The following NPAS3 variants were observed in gnomAD, a reference collection of about 807,000 sequenced individuals.
The protein encoded by NPAS3 is neuronal PAS domain-containing protein 3.
NPAS3 carries 14 observed loss-of-function variants against 73.1 expected under a neutral mutation model. The ratio of observed to expected loss-of-function variants is 0.19; its 90% CI spans 0.13 to 0.30. NPAS3 has a LOEUF of 0.30. NPAS3 is among the 10% of genes least tolerant of loss of function. The probability of loss-of-function intolerance (pLI) is 1.00; values close to 1 mark genes in which losing one functional copy is unlikely to be tolerated. For missense variants in NPAS3, 1,096 were observed against 1,250.0 expected (o/e 0.88, Z 1.86); for synonymous variants, 620 against 541.5 (o/e 1.14, Z -2.01).
At chr14:33,432,482 A>G (rs2048823959) in intron 4 of NPAS3, among the ~76,000 whole-genome samples, 1 of 152,216 alleles carries the variant, frequency 6.6e-6, no homozygotes, top group Non-Finnish European at 1.5e-5. Flanking sequence ...AATGGTTTGT[A>G]AAACCATTGG....
chr14:33,401,758 C>T (rs1429840524), intron 4 of NPAS3, among the ~76,000 whole-genome samples: 2 of 152,114 alleles, frequency 1.3e-5, no homozygotes, highest in Non-Finnish European at 2.9e-5. Flanking sequence ...ACACTCTTAG[C>T]GTACACTAGC....
At chr14:33,009,393 C>T (rs1339823042) in intron 1 of NPAS3, among the ~76,000 whole-genome samples, 1 of 151,962 alleles carries the variant, frequency 6.6e-6, no homozygotes, top group Non-Finnish European at 1.5e-5. Flanking sequence ...GGCCTCAATG[C>T]AAAGTTTGGA....
Position 33,155,855 on chromosome 14 carries a change from T to C in NPAS3, c.141-59327T>C, listed in dbSNP as rs1037549582. On this transcript the variant is annotated intron_variant, in intron 2 of 11. Coordinates refer to ENST00000356141, the Ensembl canonical transcript of NPAS3. ...ATCAAAATAGTGAATAATAGTGCTA[T>C]GCTCTGCATTTTTAAATATTACCAT... Among the ~76,000 whole-genome samples, 3 of 152,248 alleles carry C rather than the reference T, an allele frequency of 2.0e-5. No homozygotes were observed. In the East Asian group the frequency reaches 5.8e-4, roughly 29 times the overall value.
intron 5 of NPAS3, among the ~76,000 whole-genome samples, chr14:33,625,285 A>T (rs2058188241): frequency 6.6e-6 from 1 of 152,228 alleles, no homozygotes; most frequent in Non-Finnish European, 1.5e-5. Context: ...TTAAATTCTG[A>T]GCATAAAACC....
chr14:33,383,489 C>T (rs773985250), intron 4 of NPAS3, among the ~76,000 whole-genome samples: 3 of 152,048 alleles, frequency 2.0e-5, no homozygotes, highest in Non-Finnish European at 4.4e-5. Flanking sequence ...CACCTAAGTC[C>T]CCATGCACCA....
chr14:33,244,974 T>C (rs1013192843), intron 3 of NPAS3, among the ~76,000 whole-genome samples: 1 of 152,142 alleles, frequency 6.6e-6, no homozygotes, highest in East Asian at 1.9e-4. Context: ...CAAATACACA[T>C]ACAAACAAAT....
chr14:33,470,142 A>C, intron 4 of NPAS3, among the ~76,000 whole-genome samples: 1 of 152,206 alleles, frequency 6.6e-6, no homozygotes, highest in East Asian at 1.9e-4. Flanking sequence ...CAAGGTCCTA[A>C]GACAAAGAAA....
Position 33,635,054 on chromosome 14 carries a change from A to C in NPAS3, c.559-41157A>C, listed in dbSNP as rs902076977. 3.3e-5 allele frequency among the ~76,000 whole-genome samples: 5 copies of C among 152,248 alleles called. No individual in the cohort carries two copies. In the South Asian group the frequency reaches 8.3e-4, roughly 25 times the overall value. On this transcript the variant is annotated intron_variant, in intron 5 of 11. Coordinates refer to ENST00000356141, the Ensembl canonical transcript of NPAS3. Reference sequence around the variant, plus strand: ...TTTGAGGAAAGTATCACACAAGAACAGTTACACAGCTGGTGGAGAAAAGCG... The same window carrying C: ...TTTGAGGAAAGTATCACACAAGAACCGTTACACAGCTGGTGGAGAAAAGCG...
chr14:33,695,927 C>T (rs565612577), intron 6 of NPAS3, among the ~76,000 whole-genome samples: 1 of 152,082 alleles, frequency 6.6e-6, no homozygotes, highest in Non-Finnish European at 1.5e-5. Context: ...TAGGGGTACC[C>T]TATGTCATTA....
chr14:33,348,863 T>C (rs2140338342), intron 3 of NPAS3, among the ~76,000 whole-genome samples: 1 of 152,314 alleles, frequency 6.6e-6, no homozygotes, highest in African/African-American at 2.4e-5. Context: ...GTTAGAATTT[T>C]ATTGAGGGAG....
At chr14:33,308,398 A>G (rs1043669251) in intron 3 of NPAS3, among the ~76,000 whole-genome samples, 4 of 151,864 alleles carry the variant, frequency 2.6e-5, no homozygotes, top group African/African-American at 7.3e-5. Flanking sequence ...ACAATAGCTT[A>G]TACCAAATGC....
intron 9 of NPAS3, among the ~76,000 whole-genome samples, chr14:33,784,422 A>C (rs2063078889): frequency 2.0e-5 from 3 of 152,248 alleles, no homozygotes; most frequent in Admixed American, 1.3e-4. Flanking sequence ...CAGACAAAAC[A>C]CAGAAACCCC....
intron 2 of NPAS3, among the ~76,000 whole-genome samples, chr14:33,116,785 AG>A (rs1488071788): frequency 6.6e-6 from 1 of 151,016 alleles, no homozygotes. Flanking sequence ...GACCAGACCT[AG>A]AAGCAGCACG....
chr14:33,286,220 C>T (rs1213140607), intron 3 of NPAS3, among the ~76,000 whole-genome samples: 1 of 152,212 alleles, frequency 6.6e-6, no homozygotes, highest in Non-Finnish European at 1.5e-5. Context: ...ACTTCTTTCA[C>T]AGGTCCTACA....
At chr14:33,559,757 G>A (rs1268385184) in intron 4 of NPAS3, among the ~76,000 whole-genome samples, 1 of 152,136 alleles carries the variant, frequency 6.6e-6, no homozygotes, top group Non-Finnish European at 1.5e-5. Flanking sequence ...GGTGGCTTAC[G>A]CCTGTAATCC....
intron 2 of NPAS3, among the ~76,000 whole-genome samples, chr14:33,197,762 A>AG (rs1566665254): frequency 6.6e-6 from 1 of 152,092 alleles, no homozygotes; most frequent in African/African-American, 2.4e-5. Context: ...GTGATTTGTA[A>AG]GTATCCTGCC....
chr14:33,294,452 G>A (rs1405186622), intron 3 of NPAS3, among the ~76,000 whole-genome samples: 1 of 151,992 alleles, frequency 6.6e-6, no homozygotes, highest in African/African-American at 2.4e-5. Context: ...TTATTGCTTT[G>A]TTATACACTC....
intron 5 of NPAS3, among the ~76,000 whole-genome samples, chr14:33,609,628 G>T (rs2057689017): frequency 6.6e-6 from 1 of 151,982 alleles, no homozygotes; most frequent in Non-Finnish European, 1.5e-5. Flanking sequence ...ATTAATGGGA[G>T]TTATAAGTGC....
At chr14:33,027,628 A>G (rs1337532628) in intron 1 of NPAS3, among the ~76,000 whole-genome samples, 1 of 152,172 alleles carries the variant, frequency 6.6e-6, no homozygotes, top group Non-Finnish European at 1.5e-5. Flanking sequence ...GAGAGGTAAT[A>G]TAATTGCCCC....
Sources: gnomAD v4.1 joint callset for allele counts (sites outside exome capture counted in the v4.1 genomes callset) on GRCh38, gnomAD v4.1.1 for gene constraint, MANE v1.5 for transcripts, NCBI Gene and HGNC (gene_info 2026-07-23, HGNC 2026-07-21) for gene names.